IDE: variants seen among roughly 807,000 people sequenced by gnomAD.
IDE encodes insulin-degrading enzyme.
In IDE, 58 loss-of-function variants were observed where a neutral mutation model predicts 133.2. The observed-to-expected ratio is 0.44, with a 90% CI of 0.35 to 0.54. The LOEUF (loss-of-function observed/expected upper bound fraction) is 0.54, where lower values mean the gene tolerates loss of function less well. Ranked by LOEUF, IDE falls within the 20% of genes least tolerant of loss-of-function variation. The probability of loss-of-function intolerance (pLI) is 0.00; values close to 1 mark genes in which losing one functional copy is unlikely to be tolerated. For synonymous variants in IDE, 396 were observed against 421.3 expected (o/e 0.94, Z 0.73); for missense variants, 981 against 1,234.0 (o/e 0.79, Z 3.07).
chr10:92,529,162 A>T (rs1227952031), intron 4 of IDE, among the ~76,000 whole-genome samples: 1 of 152,220 alleles, frequency 6.6e-6, no homozygotes, highest in Non-Finnish European at 1.5e-5. Context: ...CTGAGGCCAA[A>T]GCAATCTACA....
chr10:92,490,166 T>C (rs1345899493), intron 12 of IDE, among the ~76,000 whole-genome samples: 2 of 152,236 alleles, frequency 1.3e-5, no homozygotes, highest in Admixed American at 6.5e-5. Context: ...TTGGAGCCCT[T>C]GCATTGGTTT....
intron 5 of IDE, among the ~76,000 whole-genome samples, chr10:92,511,801 T>C (rs562396560): frequency 5.1e-4 from 77 of 152,214 alleles, no homozygotes; most frequent in East Asian, 9.7e-4. Flanking sequence ...AGAAGGAATA[T>C]TGTAGCAAGA....
intron 14 of IDE, among the ~76,000 whole-genome samples, chr10:92,482,813 C>CT (rs951457439): frequency 5.1e-4 from 75 of 147,134 alleles, no homozygotes; most frequent in Non-Finnish European, 6.9e-4. Flanking sequence ...TTTTTCTTTT[C>CT]TTTTTTTTTT....
At chr10:92,486,354 A>G (rs747328068) in intron 13 of IDE, among the ~76,000 whole-genome samples, 1 of 152,170 alleles carries the variant, frequency 6.6e-6, no homozygotes, top group Non-Finnish European at 1.5e-5. Flanking sequence ...CTGTCTCAAA[A>G]AAAGAAAAGA....
chr10:92,554,975 CT>C (rs1842942683), intron 1 of IDE: 1 of 152,146 alleles, frequency 6.6e-6, no homozygotes, highest in Non-Finnish European at 1.5e-5. Flanking sequence ...ATTCAACAGC[CT>C]TTCACGGTAA....
At position 92,490,613 on chromosome 10, in the gene IDE, A is replaced by T. The variant is rs1434783920; in HGVS notation, c.1431-18T>A. The T allele has an allele frequency of 6.9e-7, 1 of 1,443,512 alleles. No homozygotes were observed. Among genetic ancestry groups the T allele is most frequent in the Non-Finnish European group, 9.7e-7 (1 of 1,029,698 alleles). 89.4% of individuals were successfully genotyped at this position (1,443,512 alleles called of 1,614,324 possible). ...TGGCAACCCTAGAGATAGAAAAAACAAACAAAAAAACCCTGTAAACTCATA... is the reference window on the plus strand; with the variant it reads ...TGGCAACCCTAGAGATAGAAAAAACTAACAAAAAAACCCTGTAAACTCATA... On this transcript the variant is annotated intron_variant, in intron 11 of 24. Coordinates refer to ENST00000265986, the MANE Select transcript of IDE (RefSeq NM_004969.4).
intron 7 of IDE, 27 bp downstream of exon 7, chr10:92,508,701 T>A (rs754927248): frequency 6.2e-7 from 1 of 1,606,250 alleles, no homozygotes; most frequent in South Asian, 1.1e-5. Flanking sequence ...TGGTGGACAC[T>A]CAGAAGATGC....
intron 4 of IDE, among the ~76,000 whole-genome samples, chr10:92,529,198 G>A (rs999650027): frequency 5.3e-5 from 8 of 152,142 alleles, no homozygotes; most frequent in Admixed American, 5.2e-4. Context: ...TTCTGACAAG[G>A]AACCTACTGC....
chr10:92,469,459 C>T (rs1845853983), intron 18 of IDE, among the ~76,000 whole-genome samples: 1 of 150,960 alleles, frequency 6.6e-6, no homozygotes, highest in African/African-American at 2.4e-5. Flanking sequence ...GACAGGGTTT[C>T]GTTCTGTTAC....
intron 19 of IDE, among the ~76,000 whole-genome samples, chr10:92,467,427 C>T (rs1230130754): frequency 6.6e-6 from 1 of 152,124 alleles, no homozygotes; most frequent in Non-Finnish European, 1.5e-5. Flanking sequence ...AAGTGAAGAA[C>T]TATTTAAAGA....
intron 1 of IDE, among the ~76,000 whole-genome samples, chr10:92,555,574 A>C (rs1842968445): frequency 6.6e-6 from 1 of 152,016 alleles, no homozygotes; most frequent in African/African-American, 2.4e-5. Flanking sequence ...GAAAAAAATT[A>C]TTTGCACTAT....
chr10:92,533,249 T>A (rs112138770), intron 3 of IDE, among the ~76,000 whole-genome samples: 34 of 152,296 alleles, frequency 2.2e-4, no homozygotes, highest in Non-Finnish European at 4.6e-4. Context: ...GCTGCAGCAT[T>A]TGTAAAGCAA....
At chr10:92,562,835 C>A (rs1426227752) in intron 1 of IDE, among the ~76,000 whole-genome samples, 2 of 152,256 alleles carry the variant, frequency 1.3e-5, no homozygotes, top group African/African-American at 4.8e-5. Flanking sequence ...TTCAAATTTA[C>A]TTCCTCCATA....
intron 1 of IDE, among the ~76,000 whole-genome samples, chr10:92,561,256 A>G (rs1843268204): frequency 6.7e-6 from 1 of 148,190 alleles, no homozygotes; most frequent in Admixed American, 6.8e-5. Context: ...AACTCCGTCT[A>G]AAAAAAAAAT....
chr10:92,508,915 T>C (rs748668251), intron 6 of IDE, 25 bp from the exon 7 acceptor site: 2 of 1,578,008 alleles, frequency 1.3e-6, no homozygotes, highest in African/African-American at 1.3e-5. Flanking sequence ...TCACAGAGAT[T>C]AGCTATATAC....
chr10:92,481,222 A>G (rs1251030949), intron 14 of IDE, among the ~76,000 whole-genome samples: 3 of 152,246 alleles, frequency 2.0e-5, no homozygotes, highest in African/African-American at 2.4e-5. Flanking sequence ...AGAAAATCCA[A>G]GTTTTGGGTC....
At chr10:92,464,065 C>T in intron 20 of IDE, 62 bp from the exon 21 acceptor site, 4 of 1,497,036 alleles carry the variant, frequency 2.7e-6, no homozygotes, top group Non-Finnish European at 3.6e-6. Context: ...ATTTTTAATC[C>T]TTCAAAAACT....
intron 1 of IDE, among the ~76,000 whole-genome samples, chr10:92,542,672 G>A (rs1401676029): frequency 6.6e-6 from 1 of 152,270 alleles, no homozygotes; most frequent in African/African-American, 2.4e-5. Context: ...GGGAGTAGAA[G>A]CACACCAAAT....
chr10:92,524,433 T>TATATATTATATAAAA (rs1564647866), intron 4 of IDE, among the ~76,000 whole-genome samples: 1 of 30,772 alleles, frequency 3.2e-5, no homozygotes, highest in Non-Finnish European at 6.2e-5. Context: ...ATAATATATT[T>TATATATTATATAAAA]TATATAATAT....
Sources: gnomAD v4.1 joint callset for allele counts (sites outside exome capture counted in the v4.1 genomes callset) on GRCh38, gnomAD v4.1.1 for gene constraint, MANE v1.5 for transcripts, NCBI Gene and HGNC (gene_info 2026-07-23, HGNC 2026-07-21) for gene names.